Variants in PTPRG observed in about 807,000 individuals in gnomAD.
The protein encoded by PTPRG is receptor-type tyrosine-protein phosphatase gamma.
PTPRG carries 102 observed loss-of-function variants against 165.3 expected under a neutral mutation model. The observed-to-expected ratio is 0.62, with a 90% CI of 0.53 to 0.73. The LOEUF (loss-of-function observed/expected upper bound fraction) is 0.73, where lower values mean the gene tolerates loss of function less well. PTPRG is among the 30% of genes least tolerant of loss of function. The pLI, the probability that PTPRG is intolerant of heterozygous loss-of-function variation, is 0.00. For synonymous variants in PTPRG, 675 were observed against 669.5 expected, an observed-to-expected ratio of 1.01 and a Z score of -0.13; for missense variants, 1,866 against 1,861.4, an observed-to-expected ratio of 1.00 and a Z score of -0.05.
Position 62,168,102 on chromosome 3 carries a change from CT to C in PTPRG, c.973del (p.Ser325ProfsTer6). On this transcript the variant is annotated frameshift_variant, in exon 8 of 30. Transcript: ENST00000474889. LOFTEE classifies it high-confidence loss of function. ...TGGTGTCCAAGTCCGCCGTCCGTGA[CT>C]CCTGGAACCACGACATGACAGACTT... ...RVVSKSAVRD[S>X]WNHDMTDFLE... is the part of the protein sequence containing the mutation. The C allele has an allele frequency of 6.2e-7, 1 of 1,614,134 alleles. No individual in the cohort carries two copies. The highest frequency in any genetic ancestry group is 8.5e-7 in the Non-Finnish European group (1 of 1,179,994).
intron 2 of PTPRG, among the ~76,000 whole-genome samples, chr3:61,962,570 G>C (rs950889506): frequency 1.3e-5 from 2 of 152,140 alleles, no homozygotes; most frequent in Non-Finnish European, 2.9e-5. Flanking sequence ...TCACATTCAT[G>C]AAGCTTTTCT....
intron 2 of PTPRG, among the ~76,000 whole-genome samples, chr3:61,786,667 C>T (rs1021249827): frequency 1.3e-5 from 2 of 152,242 alleles, no homozygotes; most frequent in Admixed American, 6.5e-5. Flanking sequence ...CCTACTTTTA[C>T]CTTTGTGCTT....
intron 17 of PTPRG, chr3:62,263,313 A>AT (rs1701758039): frequency 5.6e-6 from 1 of 178,070 alleles, no homozygotes; most frequent in South Asian, 1.3e-4. Context: ...CAAAGACTAC[A>AT]TAATTGGCTT....
chr3:62,286,203 A>G (rs1702654022), intron 28 of PTPRG, among the ~76,000 whole-genome samples: 1 of 152,194 alleles, frequency 6.6e-6, no homozygotes, highest in African/African-American at 2.4e-5. Context: ...ACTGTTTTCA[A>G]TAGCAAAGGC....
chr3:61,711,298 T>G (rs768367373), intron 1 of PTPRG, among the ~76,000 whole-genome samples: 6 of 152,348 alleles, frequency 3.9e-5, no homozygotes, highest in Admixed American at 3.9e-4. Flanking sequence ...GTAATGGGAT[T>G]GCTGGGTCAG....
Position 62,160,864 on chromosome 3 carries a change from A to ATTTTTT in PTPRG, c.840+3659_840+3664dup, listed in dbSNP as rs5849464. 7.9e-4 allele frequency among the ~76,000 whole-genome samples: 82 copies of ATTTTTT among 103,984 alleles called. 2 individuals are homozygous for ATTTTTT. Among genetic ancestry groups the ATTTTTT allele is most frequent in the East Asian group, 1.6e-3 (5 of 3,110 alleles). The allele number at this position is 103,984 out of a possible 152,430, so 68.2% of individuals were successfully genotyped here. A position where few individuals can be genotyped will look rare whatever the true frequency, so the allele number is the denominator to read the frequency against. On this transcript the variant is annotated intron_variant, in intron 7 of 29. Coordinates refer to ENST00000474889, the MANE Select transcript of PTPRG (RefSeq NM_002841.4). ...TACTTTGTTTACCTTTAGATGTGTG[A>ATTTTTT]TTTTTTTTTTTTTTTTTTTTTTTTC...
At chr3:61,634,553 T>C (rs1701854777) in intron 1 of PTPRG, among the ~76,000 whole-genome samples, 1 of 152,112 alleles carries the variant, frequency 6.6e-6, no homozygotes, top group Admixed American at 6.5e-5. Flanking sequence ...GTGTGTGTTT[T>C]TTTTTTAAAC....
In PTPRG at chr3:61,561,600, G is replaced by A. The variant is rs73093079; in HGVS notation, c.-688G>A. On this transcript the variant is annotated 5_prime_UTR_variant, in exon 1 of 30. Coordinates refer to ENST00000474889, the MANE Select transcript of PTPRG (RefSeq NM_002841.4). ...TACTTCCTGTATGGAGGCATGGCCA[G>A]TTTCCAGCCCCGCGCTCTTCGTTCC... 12,236 of 152,590 alleles carry A rather than the reference G, an allele frequency of 0.08. 570 individuals carry two copies. Among genetic ancestry groups the A allele is most frequent in the Middle Eastern group, 0.12 (36 of 294 alleles). 9.5% of individuals were successfully genotyped at this position (152,590 alleles called of 1,614,324 possible).
At chr3:61,643,289 G>C (rs1386435459) in intron 1 of PTPRG, among the ~76,000 whole-genome samples, 1 of 151,970 alleles carries the variant, frequency 6.6e-6, no homozygotes, top group Non-Finnish European at 1.5e-5. Flanking sequence ...GAGAGAGAGA[G>C]AGAGACAGAG....
At chr3:62,054,933 T>G (rs1049079476) in intron 4 of PTPRG, among the ~76,000 whole-genome samples, 1 of 152,228 alleles carries the variant, frequency 6.6e-6, no homozygotes, top group African/African-American at 2.4e-5. Flanking sequence ...CTTCCATGTT[T>G]CCATGGGGAA....
chr3:62,159,395 G>T (rs886190537), intron 7 of PTPRG, among the ~76,000 whole-genome samples: 1 of 152,102 alleles, frequency 6.6e-6, no homozygotes, highest in African/African-American at 2.4e-5. Flanking sequence ...TTTTCATATA[G>T]AATTCCATGT....
At chr3:61,824,457 C>G (rs2036050293) in intron 2 of PTPRG, among the ~76,000 whole-genome samples, 1 of 152,212 alleles carries the variant, frequency 6.6e-6, no homozygotes, top group South Asian at 2.1e-4. Flanking sequence ...AAGAGGCCTT[C>G]CCTTGCAGCA....
chr3:62,152,570 G>T (rs1278730711), intron 6 of PTPRG, among the ~76,000 whole-genome samples: 1 of 152,172 alleles, frequency 6.6e-6, no homozygotes, highest in African/African-American at 2.4e-5. Context: ...ATTAAGCATT[G>T]CAAGCACCCC....
At chr3:61,578,466 C>T (rs1479016957) in intron 1 of PTPRG, among the ~76,000 whole-genome samples, 1 of 152,150 alleles carries the variant, frequency 6.6e-6, no homozygotes, top group Non-Finnish European at 1.5e-5. Flanking sequence ...ATTTATTTGA[C>T]CAGTTGGATT....
chr3:62,264,944 A>G (rs1343951164), intron 17 of PTPRG, among the ~76,000 whole-genome samples: 1 of 144,892 alleles, frequency 6.9e-6, no homozygotes, highest in Non-Finnish European at 1.5e-5. Context: ...CCACATCCTC[A>G]CCAACTCTTA....
At chr3:61,963,351 G>A (rs940723047) in intron 2 of PTPRG, among the ~76,000 whole-genome samples, 1 of 151,974 alleles carries the variant, frequency 6.6e-6, no homozygotes, top group African/African-American at 2.4e-5. Flanking sequence ...CAGATACCTG[G>A]ATTTGTAACA....
intron 2 of PTPRG, among the ~76,000 whole-genome samples, chr3:61,812,141 T>C (rs2035599708): frequency 6.6e-6 from 1 of 152,160 alleles, no homozygotes; most frequent in African/African-American, 2.4e-5. Context: ...TACCCCAATA[T>C]AACGCATTCT....
At chr3:62,134,711 T>C (rs191565748) in intron 6 of PTPRG, among the ~76,000 whole-genome samples, 3 of 152,348 alleles carry the variant, frequency 2.0e-5, no homozygotes, top group Non-Finnish European at 4.4e-5. Flanking sequence ...ATCAGCTTCT[T>C]GGGTATCAGT....
chr3:62,187,803 A>G (rs1302237879), intron 8 of PTPRG, among the ~76,000 whole-genome samples: 1 of 152,138 alleles, frequency 6.6e-6, no homozygotes, highest in Non-Finnish European at 1.5e-5. Context: ...TGCTCTTCCT[A>G]TAGCTCCTCA....
Sources: gnomAD v4.1 joint callset for allele counts (sites outside exome capture counted in the v4.1 genomes callset) on GRCh38, gnomAD v4.1.1 for gene constraint, MANE v1.5 for transcripts, NCBI Gene and HGNC (gene_info 2026-07-23, HGNC 2026-07-21) for gene names.